The following SLC25A48 variants were observed in gnomAD, a reference collection of about 807,000 sequenced individuals.
SLC25A48 encodes the protein CTC-321K16.1.
A neutral mutation model predicts 32.2 loss-of-function variants in SLC25A48; 29 were observed. The ratio of observed to expected loss-of-function variants is 0.90; its 90% CI spans 0.67 to 1.23. The LOEUF is 1.23. Among genes scored for constraint, SLC25A48 ranks in the 50% most tolerant of loss-of-function variants. The probability of loss-of-function intolerance (pLI) is 0.00; values close to 1 mark genes in which losing one functional copy is unlikely to be tolerated. For missense variants in SLC25A48, 399 were observed against 422.7 expected, an observed-to-expected ratio of 0.94 and a Z score of 0.49; for synonymous variants, 164 against 172.3, an observed-to-expected ratio of 0.95 and a Z score of 0.38.
At chr5:135,594,478 C>T (rs1187307045) in intron 1 of SLC25A48, among the ~76,000 whole-genome samples, 1 of 152,202 alleles carries the variant, frequency 6.6e-6, no homozygotes, top group Non-Finnish European at 1.5e-5. Context: ...TGACTTCTGG[C>T]ACTTGATCTC....
intron 7 of SLC25A48, among the ~76,000 whole-genome samples, chr5:135,881,300 G>A (rs1212379264): frequency 2.6e-5 from 4 of 152,214 alleles, no homozygotes; most frequent in Non-Finnish European, 5.9e-5. Flanking sequence ...CCTCACTGCT[G>A]CCTCCCCCGT....
chr5:135,806,350 A>C (rs1361229274), intron 3 of SLC25A48, among the ~76,000 whole-genome samples: 4 of 151,640 alleles, frequency 2.6e-5, no homozygotes, highest in African/African-American at 9.7e-5. Context: ...GGTATTATAA[A>C]TATCATGGAT....
chr5:135,610,854 A>C (rs1185390143), intron 1 of SLC25A48, among the ~76,000 whole-genome samples: 1 of 152,234 alleles, frequency 6.6e-6, no homozygotes, highest in East Asian at 1.9e-4. Context: ...GCTTTCTCAG[A>C]GCTTATTCTC....
At chr5:135,644,253 G>A (rs1241751254) in intron 3 of SLC25A48, among the ~76,000 whole-genome samples, 1 of 152,052 alleles carries the variant, frequency 6.6e-6, no homozygotes, top group Non-Finnish European at 1.5e-5. Context: ...GGGCATATTT[G>A]GACTGAGAAG....
chr5:135,814,905 T>C (rs572169539), intron 4 of SLC25A48, among the ~76,000 whole-genome samples: 2 of 152,248 alleles, frequency 1.3e-5, no homozygotes, highest in African/African-American at 4.8e-5. Flanking sequence ...GGGAGGCCAC[T>C]GCCTCGTGAA....
chr5:135,690,445 A>G (rs1754119025), intron 3 of SLC25A48, among the ~76,000 whole-genome samples: 1 of 152,132 alleles, frequency 6.6e-6, no homozygotes, highest in Non-Finnish European at 1.5e-5. Flanking sequence ...GCTGGGTCTG[A>G]GATTGTATGA....
chr5:135,869,901 G>T (rs1480963977), intron 4 of SLC25A48, among the ~76,000 whole-genome samples: 1 of 152,160 alleles, frequency 6.6e-6, no homozygotes, highest in African/African-American at 2.4e-5. Flanking sequence ...TATGGCAGGG[G>T]TTTACTCCCT....
At chr5:135,673,248 G>C (rs1209805558) in intron 3 of SLC25A48, among the ~76,000 whole-genome samples, 1 of 152,164 alleles carries the variant, frequency 6.6e-6, no homozygotes, top group Non-Finnish European at 1.5e-5. Flanking sequence ...AAATGCCTAG[G>C]AGTAGAATAG....
intron 3 of SLC25A48, among the ~76,000 whole-genome samples, chr5:135,734,763 G>A (rs181955973): frequency 0.02 from 3,073 of 150,596 alleles, 39 homozygotes; most frequent in Non-Finnish European, 0.031. Context: ...CTTGCAGTGA[G>A]CTGAGATCGT....
chr5:135,775,879 A>AG (rs1305370270), intron 3 of SLC25A48, among the ~76,000 whole-genome samples: 1 of 151,048 alleles, frequency 6.6e-6, no homozygotes, highest in Non-Finnish European at 1.5e-5. Context: ...TTAACCGGGG[A>AG]GGGGGGAGAT....
At chr5:135,622,078 G>A (rs186394458) in intron 1 of SLC25A48, among the ~76,000 whole-genome samples, 1 of 152,224 alleles carries the variant, frequency 6.6e-6, no homozygotes, top group Admixed American at 6.5e-5. Flanking sequence ...AGAAGCATAT[G>A]GAAAAATGCC....
At chr5:135,728,426 A>T (rs1403756012) in intron 3 of SLC25A48, among the ~76,000 whole-genome samples, 1 of 152,214 alleles carries the variant, frequency 6.6e-6, no homozygotes, top group East Asian at 1.9e-4. Context: ...AATATAAGTG[A>T]ATATGATGAC....
chr5:135,879,441 G>A (rs1384523609), intron 6 of SLC25A48, among the ~76,000 whole-genome samples: 1 of 152,024 alleles, frequency 6.6e-6, no homozygotes, highest in Admixed American at 6.5e-5. Context: ...TGGCAAAGCC[G>A]TGCCTCAACC....
At chr5:135,682,697 T>G (rs1258517693) in intron 3 of SLC25A48, among the ~76,000 whole-genome samples, 3 of 152,232 alleles carry the variant, frequency 2.0e-5, no homozygotes, top group Admixed American at 1.3e-4. Flanking sequence ...CTATCAATCC[T>G]TGAGAGATAA....
intron 1 of SLC25A48, among the ~76,000 whole-genome samples, chr5:135,612,592 C>T (rs1319560314): frequency 1.3e-5 from 2 of 152,160 alleles, no homozygotes; most frequent in East Asian, 3.9e-4. Context: ...TCTCTATCTC[C>T]AGGAGATCAA....
intron 3 of SLC25A48, among the ~76,000 whole-genome samples, chr5:135,793,242 AT>A (rs1757081646): frequency 6.6e-6 from 1 of 151,444 alleles, no homozygotes; most frequent in East Asian, 1.9e-4. Context: ...CTTGGGAGTT[AT>A]TACTTTCCTA....
chr5:135,746,657 C>T (rs768317660), intron 3 of SLC25A48, among the ~76,000 whole-genome samples: 5 of 152,180 alleles, frequency 3.3e-5, no homozygotes, highest in Admixed American at 6.6e-5. Flanking sequence ...CAGTGCATCT[C>T]CTAAGAACAC....
chr5:135,873,549 G>C (rs1277737711), intron 5 of SLC25A48, among the ~76,000 whole-genome samples: 1 of 152,178 alleles, frequency 6.6e-6, no homozygotes, highest in Non-Finnish European at 1.5e-5. Context: ...TCTGTGTTTA[G>C]AGTAAATCCT....
At chr5:135,638,874 A>G (rs1049484141) in intron 3 of SLC25A48, among the ~76,000 whole-genome samples, 1 of 152,234 alleles carries the variant, frequency 6.6e-6, no homozygotes, top group South Asian at 2.1e-4. Flanking sequence ...CATCTTGTCA[A>G]GAAAGCCAAT....
Sources: allele counts gnomAD v4.1 joint callset (sites outside exome capture counted in the v4.1 genomes callset), GRCh38; gene constraint gnomAD v4.1.1; transcripts MANE v1.5; gene names NCBI Gene and HGNC (gene_info 2026-07-23, HGNC 2026-07-21).